TMEM106A: variants seen among roughly 807,000 people sequenced by gnomAD.
TMEM106A encodes transmembrane protein 106A.
A neutral mutation model predicts 25.1 loss-of-function variants in TMEM106A; 22 were observed. The ratio of observed to expected loss-of-function variants is 0.88; its 90% CI spans 0.63 to 1.25. The LOEUF (loss-of-function observed/expected upper bound fraction) is 1.25. Among genes scored for constraint, TMEM106A ranks in the 50% most tolerant of loss-of-function variants. The pLI, the probability that TMEM106A is intolerant of heterozygous loss-of-function variation, is 0.00. For synonymous variants in TMEM106A, 104 were observed against 129.9 expected (o/e 0.80, Z 1.35); for missense variants, 275 against 318.1 (o/e 0.86, Z 1.03).
At chr17:43,215,647 A>T in intron 4 of TMEM106A, 141 bp from the exon 5 acceptor site, 2 of 877,384 alleles carry the variant, frequency 2.3e-6, no homozygotes, top group South Asian at 1.6e-5. Flanking sequence ...ATTCCGGGCC[A>T]CATCTGGGGA....
intron 4 of TMEM106A, among the ~76,000 whole-genome samples, chr17:43,214,188 C>CA (rs1171744040): frequency 0.028 from 1,445 of 50,780 alleles, 14 homozygotes; most frequent in African/African-American, 0.062. Flanking sequence ...CCATCTCTAT[C>CA]AAAAAAAAAA....
intron 4 of TMEM106A, 46 bp downstream of exon 4, chr17:43,213,937 G>A (rs945116406): frequency 7.5e-6 from 12 of 1,600,064 alleles, no homozygotes; most frequent in Middle Eastern, 1.7e-4. Flanking sequence ...TTGCCCCTGG[G>A]GGCTGCTCCC....
intron 8 of TMEM106A, 146 bp downstream of exon 8, chr17:43,217,458 G>T: frequency 1.6e-6 from 2 of 1,289,090 alleles, no homozygotes; most frequent in Non-Finnish European, 1.1e-6. Context: ...CCCCTTTTCT[G>T]AGTCTCACCT....
chr17:43,212,831 G>T (rs929286970), intron 2 of TMEM106A, among the ~76,000 whole-genome samples, 190 bp from the exon 3 acceptor site: 2 of 152,100 alleles, frequency 1.3e-5, no homozygotes, highest in Non-Finnish European at 2.9e-5. Flanking sequence ...ATAATGAAAG[G>T]AGTCGAAATG....
chr17:43,213,334 C>T, intron 3 of TMEM106A, 82 bp downstream of exon 3: 12 of 1,438,740 alleles, frequency 8.3e-6, no homozygotes, highest in Non-Finnish European at 1.2e-5. Flanking sequence ...CCCTCTGAGT[C>T]TCCTTGGATG....
At chr17:43,216,341 T>C in intron 5 of TMEM106A, 108 bp from the exon 6 acceptor site, 1 of 1,443,142 alleles carries the variant, frequency 6.9e-7, no homozygotes. Flanking sequence ...ACCTGAAGCT[T>C]GTCATGGTAG....
In TMEM106A at chr17:43,217,398, C is replaced by T. The variant is rs1396355756; in HGVS notation, c.668+86C>T. ...CTACACCTCATGGGCAGAGAGTCTT[C>T]CAAGCTGACCCCATGAATCTTTGTT... On this transcript the variant is annotated intron_variant, in intron 8 of 8. Coordinates refer to ENST00000612339, the MANE Select transcript of TMEM106A (RefSeq NM_145041.4). 2.0e-6 allele frequency: 3 copies of T among 1,490,724 alleles called. No homozygotes were observed. The African/African-American group carries it at 4.1e-5, about 21-fold the overall frequency. The allele number at this position is 1,490,724 out of a possible 1,614,324, so 92.3% of individuals were successfully genotyped here.
intron 5 of TMEM106A, 30 bp downstream of exon 5, chr17:43,215,971 C>G (rs775157552): frequency 1.1e-5 from 17 of 1,612,862 alleles, no homozygotes; most frequent in East Asian, 8.9e-5. Context: ...TCCAAACCCC[C>G]CTTCCTAGCA....
Position 43,216,551 on chromosome 17 carries a change from A to C in TMEM106A, c.532A>C (p.Asn178His), listed in dbSNP as rs781280374. 1 of 1,614,172 alleles carries C rather than the reference A, an allele frequency of 6.2e-7. No individual in the cohort carries two copies. Among genetic ancestry groups the C allele is most frequent in the Admixed American group, 1.7e-5 (1 of 60,022 alleles). ...CCTCGTGGTGGGGCAGGTTTCCAAC[A>C]ACCTTCTCCTACACATTGGCCCTTT... is the stretch of plus-strand genomic sequence containing the variant. ...LSLVVGQVSN[N>H]LLLHIGPLAS... The change falls in exon 6 of 9, where the codon AAC (asparagine) becomes CAC (histidine). Residue 178 changes from asparagine to histidine, a missense_variant. Transcript: ENST00000612339.
In TMEM106A at chr17:43,219,528, A is replaced by T. The variant is rs1015880357; in HGVS notation, c.*1727A>T. The stretch of plus-strand genomic sequence containing the variant: ...GTGAGAGGATCTCTAGAGCCCAGGA[A>T]TTCAAGTTTAACATGAGCAGCAACA... On this transcript the variant is annotated 3_prime_UTR_variant, in exon 9 of 9. Transcript: ENST00000612339. 1 of 151,926 alleles carries T rather than the reference A, an allele frequency of 6.6e-6. No individual in the cohort carries two copies. The highest frequency in any genetic ancestry group is 6.6e-5 in the Admixed American group (1 of 15,216). 9.4% of individuals were successfully genotyped at this position (151,926 alleles called of 1,614,324 possible).
rs536256137 is a variant in TMEM106A, at chr17:43,217,309, T to C, written c.665T>C (p.Ile222Thr). Reference protein sequence around the residue: ...EIKVHHVLLHIQGTLTCSYLS... With the variant: ...EIKVHHVLLHTQGTLTCSYLS... ...AAAGTCCACCATGTGCTTTTGCACA[T>C]CCAGTAAGTAGAGCTTGGAGCTCTG... Residue 222 changes from isoleucine (I) to threonine (T), a missense_variant, in exon 8 of 9, where the codon ATC becomes ACC. Coordinates refer to ENST00000612339, the MANE Select transcript of TMEM106A (RefSeq NM_145041.4). 3.7e-6 allele frequency: 6 copies of C among 1,614,104 alleles called. No individual in the cohort carries two copies. Among genetic ancestry groups the C allele is most frequent in the Non-Finnish European group, 5.1e-6 (6 of 1,180,044 alleles).
rs746862874 is a variant in TMEM106A at position 43,217,251 on chromosome 17, T to C, written c.615-8T>C. On this transcript the variant is annotated splice_polypyrimidine_tract_variant and splice_region_variant and intron_variant, in intron 7 of 8. Transcript: ENST00000612339. ...CGTGGTCCCACGTTCTCTTTTCTTC[T>C]CTCTCAGCAAAATCTGTACCTGGCT... 15 of 1,614,020 alleles carry C rather than the reference T, an allele frequency of 9.3e-6. No individual in the cohort carries two copies. In the Middle Eastern group the frequency reaches 6.6e-4, roughly 71 times the overall value.
At chr17:43,215,331 T>C (rs1052963735) in intron 4 of TMEM106A, among the ~76,000 whole-genome samples, 1 of 152,200 alleles carries the variant, frequency 6.6e-6, no homozygotes, top group African/African-American at 2.4e-5. Flanking sequence ...GAATTTTGAA[T>C]TGGATGGATG....
chr17:43,216,848 G>C, intron 7 of TMEM106A, 108 bp downstream of exon 7: 1 of 1,448,192 alleles, frequency 6.9e-7, no homozygotes, highest in Non-Finnish European at 9.7e-7. Flanking sequence ...GCCAGCATCT[G>C]GCCTGCCCTC....
At chr17:43,217,619 T>A in intron 8 of TMEM106A, 62 bp from the exon 9 acceptor site, 1 of 1,605,944 alleles carries the variant, frequency 6.2e-7, no homozygotes, top group Non-Finnish European at 8.5e-7. Context: ...CCAGACAGTA[T>A]AATGGGGCCA....
At position 43,219,570 on chromosome 17, in the gene TMEM106A, TA is replaced by T. The variant is rs1033355666; in HGVS notation, c.*1782del. On this transcript the variant is annotated 3_prime_UTR_variant, in exon 9 of 9. Transcript: ENST00000612339. ...GCAGCAACATTAGCAAGACCCCGTTTAAAAAAAAAAAAAGAGCTGGGCGTAA... is the reference window on the plus strand; with the variant it reads ...GCAGCAACATTAGCAAGACCCCGTTTAAAAAAAAAAAAGAGCTGGGCGTAA... The T allele has an allele frequency of 0.011, 1,496 of 139,380 alleles. 19 individuals are homozygous for T. Among genetic ancestry groups the T allele is most frequent in the African/African-American group, 0.028 (1,076 of 38,066 alleles). 8.6% of individuals were successfully genotyped at this position (139,380 alleles called of 1,614,324 possible). A position where few individuals can be genotyped will look rare whatever the true frequency, so the allele number is the denominator to read the frequency against.
intron 5 of TMEM106A, 151 bp from the exon 6 acceptor site, chr17:43,216,298 C>T (rs2057485255): frequency 1.9e-6 from 2 of 1,079,906 alleles, no homozygotes; most frequent in Non-Finnish European, 2.7e-6. Context: ...CATTCAATGC[C>T]CCTCCAAGGG....
chr17:43,217,932 C>T lies in TMEM106A; in HGVS notation c.*131C>T. 1.5e-6 allele frequency: 2 copies of T among 1,346,402 alleles called. No individual in the cohort carries two copies. The highest frequency in any genetic ancestry group is 2.7e-5 in the South Asian group (2 of 73,730). The allele number at this position is 1,346,402 out of a possible 1,614,324, so 83.4% of individuals were successfully genotyped here. A position where few individuals can be genotyped will look rare whatever the true frequency, so the allele number is the denominator to read the frequency against. On this transcript the variant is annotated 3_prime_UTR_variant, in exon 9 of 9. Transcript: ENST00000612339. ...CCCTGCCTCATCACACCCTTACCTC[C>T]CACCCCCTCAGCACAGGAAGCTTGC...
At chr17:43,217,407 C>T (rs2057496902) in intron 8 of TMEM106A, 95 bp downstream of exon 8, 1 of 1,460,212 alleles carries the variant, frequency 6.8e-7, no homozygotes, top group South Asian at 1.1e-5. Flanking sequence ...TCCAAGCTGA[C>T]CCCATGAATC....
Sources: gnomAD v4.1 joint callset for allele counts (sites outside exome capture counted in the v4.1 genomes callset) on GRCh38, gnomAD v4.1.1 for gene constraint, MANE v1.5 for transcripts, NCBI Gene and HGNC (gene_info 2026-07-23, HGNC 2026-07-21) for gene names.